The following SH3GL2 variants were observed in gnomAD, a reference collection of about 807,000 sequenced individuals.
SH3GL2 encodes endophilin-A1.
In SH3GL2, 24 loss-of-function variants were observed where a neutral mutation model predicts 46.0. The ratio of observed to expected loss-of-function variants is 0.52; its 90% confidence interval spans 0.38 to 0.73. SH3GL2 has a LOEUF of 0.73. Among genes scored for constraint, SH3GL2 ranks in the 30% least tolerant of loss-of-function variants. The pLI, the probability that SH3GL2 is intolerant of heterozygous loss-of-function variation, is 0.00. For missense variants in SH3GL2, 413 were observed against 424.2 expected, an observed-to-expected ratio of 0.97 and a Z score of 0.23; for synonymous variants, 196 against 147.1, an observed-to-expected ratio of 1.33 and a Z score of -2.40.
At chr9:17,733,029 T>A (rs1050412262) in intron 1 of SH3GL2, among the ~76,000 whole-genome samples, 1 of 152,108 alleles carries the variant, frequency 6.6e-6, no homozygotes. Flanking sequence ...TTACTGCTGC[T>A]GCCTTCCCCA....
At chr9:17,679,465 T>G (rs1216130562) in intron 1 of SH3GL2, among the ~76,000 whole-genome samples, 1 of 152,218 alleles carries the variant, frequency 6.6e-6, no homozygotes, top group Non-Finnish European at 1.5e-5. Flanking sequence ...TTGTGATTTT[T>G]GCACATTGAT....
intron 3 of SH3GL2, among the ~76,000 whole-genome samples, chr9:17,767,931 T>G (rs1268337541): frequency 6.6e-6 from 1 of 152,162 alleles, no homozygotes; most frequent in African/African-American, 2.4e-5. Flanking sequence ...TCTACATCTT[T>G]GGGGAAAATA....
chr9:17,711,856 T>C (rs1821633480), intron 1 of SH3GL2, among the ~76,000 whole-genome samples: 1 of 151,834 alleles, frequency 6.6e-6, no homozygotes, highest in Admixed American at 6.6e-5. Context: ...GATTATGTGG[T>C]AGATGTATGT....
intron 1 of SH3GL2, among the ~76,000 whole-genome samples, chr9:17,583,808 T>C (rs1818321165): frequency 1.3e-5 from 2 of 152,238 alleles, no homozygotes; most frequent in Non-Finnish European, 2.9e-5. Flanking sequence ...TTCAGAATGC[T>C]GTATTTTATA....
At chr9:17,715,521 C>G (rs59413825) in intron 1 of SH3GL2, among the ~76,000 whole-genome samples, 9,189 of 151,640 alleles carry the variant, frequency 0.061, 910 homozygotes, top group African/African-American at 0.21. Context: ...TCATTTTCTC[C>G]ATGTGTTTCA....
At chr9:17,615,650 C>A (rs1299981218) in intron 1 of SH3GL2, among the ~76,000 whole-genome samples, 1 of 108,640 alleles carries the variant, frequency 9.2e-6, no homozygotes, top group Non-Finnish European at 1.7e-5. Context: ...CAGAGCGAGA[C>A]TCCGTCTCAA....
At chr9:17,696,343 A>G (rs1014323816) in intron 1 of SH3GL2, among the ~76,000 whole-genome samples, 2 of 152,206 alleles carry the variant, frequency 1.3e-5, no homozygotes, top group African/African-American at 4.8e-5. Flanking sequence ...CGGTTTTATA[A>G]ACAAAGCCAA....
At chr9:17,684,355 A>G (rs551992533) in intron 1 of SH3GL2, among the ~76,000 whole-genome samples, 36 of 152,224 alleles carry the variant, frequency 2.4e-4, no homozygotes, top group Non-Finnish European at 5.0e-4. Context: ...AATAATCAGT[A>G]TATTTGAAGA....
intron 6 of SH3GL2, chr9:17,789,872 A>C: frequency 6.2e-6 from 4 of 641,166 alleles, no homozygotes; most frequent in Non-Finnish European, 5.8e-6. Context: ...AAAAAACAGA[A>C]TGGTTGTAAG....
At chr9:17,712,770 G>A (rs1363897448) in intron 1 of SH3GL2, among the ~76,000 whole-genome samples, 1 of 151,658 alleles carries the variant, frequency 6.6e-6, no homozygotes, top group African/African-American at 2.4e-5. Flanking sequence ...CCTTCACAGT[G>A]TTTTCAAATG....
At chr9:17,771,126 A>T (rs999149609) in intron 3 of SH3GL2, among the ~76,000 whole-genome samples, 1 of 152,200 alleles carries the variant, frequency 6.6e-6, no homozygotes, top group African/African-American at 2.4e-5. Flanking sequence ...TCAAGCATAC[A>T]ACTGTCTGCT....
intron 1 of SH3GL2, among the ~76,000 whole-genome samples, chr9:17,728,775 C>T (rs199637389): frequency 6.6e-6 from 1 of 152,024 alleles, no homozygotes; most frequent in Admixed American, 6.6e-5. Context: ...GGTTTCCATC[C>T]TCATCCATGT....
intron 1 of SH3GL2, among the ~76,000 whole-genome samples, chr9:17,691,783 T>G (rs971472889): frequency 6.6e-6 from 1 of 152,154 alleles, no homozygotes; most frequent in African/African-American, 2.4e-5. Context: ...TCCTGGAACT[T>G]TGCTCTTTAT....
chr9:17,666,812 A>C (rs1820356056), intron 1 of SH3GL2, among the ~76,000 whole-genome samples: 1 of 152,064 alleles, frequency 6.6e-6, no homozygotes, highest in African/African-American at 2.4e-5. Context: ...AAATGTAAGT[A>C]CTTTTGTTAG....
intron 1 of SH3GL2, among the ~76,000 whole-genome samples, chr9:17,615,078 C>T (rs771806724): frequency 1.3e-5 from 2 of 152,152 alleles, no homozygotes; most frequent in Non-Finnish European, 2.9e-5. Flanking sequence ...GCTGTGGACA[C>T]TTGGGCTGTG....
chr9:17,667,042 A>C (rs546295816), intron 1 of SH3GL2, among the ~76,000 whole-genome samples: 1 of 152,268 alleles, frequency 6.6e-6, no homozygotes, highest in East Asian at 1.9e-4. Context: ...TACAATTTTT[A>C]GATCTTCATT....
At chr9:17,635,910 T>C (rs1234154223) in intron 1 of SH3GL2, among the ~76,000 whole-genome samples, 1 of 152,178 alleles carries the variant, frequency 6.6e-6, no homozygotes, top group East Asian at 1.9e-4. Context: ...CTCACCTCCA[T>C]TTATCAGCCT....
chr9:17,656,842 T>C (rs1820091065), intron 1 of SH3GL2, among the ~76,000 whole-genome samples: 1 of 151,188 alleles, frequency 6.6e-6, no homozygotes, highest in Admixed American at 6.6e-5. Flanking sequence ...ATGTGATTAC[T>C]TGACACGTTA....
In SH3GL2 at chr9:17,664,966, C is replaced by A. The variant is rs550103400; in HGVS notation, c.46-82100C>A. Among the ~76,000 whole-genome samples the A allele has an allele frequency of 3.1e-4, 47 of 151,994 alleles. No individual in the cohort carries two copies. In the South Asian group the frequency reaches 9.1e-3, roughly 30 times the overall value. On this transcript the variant is annotated intron_variant, in intron 1 of 8. Coordinates refer to ENST00000380607, the MANE Select transcript of SH3GL2 (RefSeq NM_003026.5). ...AAAGAAATTGATACTTTTAAAGTTTCTTTTAATTTTAAAATGATGTCAAAC... is the reference window on the plus strand; with the variant it reads ...AAAGAAATTGATACTTTTAAAGTTTATTTTAATTTTAAAATGATGTCAAAC...
Sources: gnomAD v4.1 joint callset for allele counts (sites outside exome capture counted in the v4.1 genomes callset) on GRCh38, gnomAD v4.1.1 for gene constraint, MANE v1.5 for transcripts, NCBI Gene and HGNC (gene_info 2026-07-23, HGNC 2026-07-21) for gene names.